ARHGAP26: variants seen among roughly 807,000 people sequenced by gnomAD.
The protein encoded by ARHGAP26 is Rho GTPase activating protein 26, also known as rho GTPase-activating protein 26.
Under a neutral mutation model 104.8 loss-of-function variants are expected in ARHGAP26, and 38 were observed. The ratio of observed to expected loss-of-function variants is 0.36; its 90% CI spans 0.28 to 0.48. The LOEUF is 0.48. ARHGAP26 is among the 20% of genes least tolerant of loss of function. ARHGAP26 has a pLI of 0.99. For missense variants in ARHGAP26, 704 were observed against 947.9 expected (o/e 0.74, Z 3.38); for synonymous variants, 341 against 340.0 (o/e 1.00, Z -0.03).
At chr5:142,848,851 T>A (rs937001767) in intron 1 of ARHGAP26, among the ~76,000 whole-genome samples, 8 of 152,330 alleles carry the variant, frequency 5.3e-5, no homozygotes, top group Admixed American at 2.6e-4. Flanking sequence ...GGCATCCGAT[T>A]TATGGGCCAG....
intron 11 of ARHGAP26, among the ~76,000 whole-genome samples, chr5:142,946,337 C>T (rs1339827139): frequency 3.9e-5 from 6 of 152,118 alleles, no homozygotes; most frequent in Non-Finnish European, 7.4e-5. Context: ...CTAGACATTC[C>T]GAGCTGTGAC....
chr5:142,981,531 T>C (rs1773942696), intron 11 of ARHGAP26, among the ~76,000 whole-genome samples: 1 of 152,250 alleles, frequency 6.6e-6, no homozygotes, highest in Non-Finnish European at 1.5e-5. Context: ...CCTAAATCTG[T>C]AAAGTCTGCT....
chr5:142,774,633 A>G (rs1453926896), intron 1 of ARHGAP26, among the ~76,000 whole-genome samples: 2 of 152,312 alleles, frequency 1.3e-5, no homozygotes, highest in African/African-American at 4.8e-5. Flanking sequence ...TTTGTGTTGT[A>G]CATTCTGTGG....
In ARHGAP26 at chr5:143,226,893, A is replaced by G. The variant is rs1811721666; in HGVS notation, c.*4447A>G. ...TCCCAAGGCACTTGCCCAGAGCTGCAGAGTTGTGTGTGCCATACCTGCGGC... is the reference window on the plus strand; with the variant it reads ...TCCCAAGGCACTTGCCCAGAGCTGCGGAGTTGTGTGTGCCATACCTGCGGC... On this transcript the variant is annotated 3_prime_UTR_variant, in exon 23 of 23. Transcript: ENST00000645722. The G allele has an allele frequency of 4.4e-6, 1 of 226,214 alleles. No individual in the cohort carries two copies. Among genetic ancestry groups the G allele is most frequent in the African/African-American group, 2.2e-5 (1 of 44,936 alleles). The allele number at this position is 226,214 out of a possible 1,614,324, so 14.0% of individuals were successfully genotyped here.
At chr5:142,976,808 G>C (rs1434139585) in intron 11 of ARHGAP26, among the ~76,000 whole-genome samples, 1 of 152,176 alleles carries the variant, frequency 6.6e-6, no homozygotes, top group African/African-American at 2.4e-5. Flanking sequence ...TTTAGATTTT[G>C]AACCTGCTGG....
chr5:142,847,316 G>T (rs1301457167), intron 1 of ARHGAP26, among the ~76,000 whole-genome samples: 1 of 151,844 alleles, frequency 6.6e-6, no homozygotes, highest in Non-Finnish European at 1.5e-5. Context: ...TGGGGAAGCT[G>T]CCTCAGCTTA....
intron 10 of ARHGAP26, among the ~76,000 whole-genome samples, chr5:142,919,642 CTTTCT>C (rs1285071143): frequency 3.9e-5 from 6 of 152,146 alleles, no homozygotes; most frequent in South Asian, 2.1e-4. Context: ...TACCTTCTTC[CTTTCT>C]TTTCTTTTAT....
At chr5:142,807,940 G>C (rs1022501030) in intron 1 of ARHGAP26, among the ~76,000 whole-genome samples, 1 of 152,090 alleles carries the variant, frequency 6.6e-6, no homozygotes, top group African/African-American at 2.4e-5. Context: ...TTATTTTTAA[G>C]AATGTTGTAT....
intron 11 of ARHGAP26, among the ~76,000 whole-genome samples, chr5:142,987,496 C>A (rs1774935472): frequency 6.6e-6 from 1 of 151,824 alleles, no homozygotes; most frequent in Non-Finnish European, 1.5e-5. Context: ...TTTCTTTCTC[C>A]TGCCTGATTG....
intron 1 of ARHGAP26, among the ~76,000 whole-genome samples, chr5:142,800,944 G>C (rs1227085378): frequency 4.6e-5 from 7 of 152,140 alleles, no homozygotes; most frequent in Non-Finnish European, 4.4e-5. Flanking sequence ...CCTCCACATT[G>C]TATGACTCCT....
At chr5:142,776,626 G>T (rs1416695947) in intron 1 of ARHGAP26, among the ~76,000 whole-genome samples, 4 of 152,116 alleles carry the variant, frequency 2.6e-5, no homozygotes, top group Admixed American at 1.3e-4. Context: ...ACCATAAGTT[G>T]TTTATCCATT....
At chr5:142,957,727 C>G (rs553103257) in intron 11 of ARHGAP26, among the ~76,000 whole-genome samples, 1 of 152,360 alleles carries the variant, frequency 6.6e-6, no homozygotes, top group African/African-American at 2.4e-5. Context: ...TGCTCCTGCA[C>G]TCTCTGCCAT....
At chr5:142,883,552 CTG>C (rs1757298311) in intron 4 of ARHGAP26, among the ~76,000 whole-genome samples, 1 of 152,250 alleles carries the variant, frequency 6.6e-6, no homozygotes, top group Admixed American at 6.5e-5. Flanking sequence ...TCTGCCCACT[CTG>C]TGAGCATGTA....
chr5:143,134,033 A>C lies in ARHGAP26; in HGVS notation c.1765A>C (p.Ser589Arg). The C allele has an allele frequency of 6.2e-7, 1 of 1,613,190 alleles. No individual in the cohort carries two copies. Among genetic ancestry groups the C allele is most frequent in the South Asian group, 1.1e-5 (1 of 90,890 alleles). The change falls in exon 19 of 23, where the codon AGT becomes CGT. Residue 589 changes from serine to arginine, a missense_variant. Transcript: ENST00000645722. Reference sequence around the variant, plus strand: ...GCTGCACCTGTCTCGGAAGAAGAGCAGTGACTCCAAGCCCCCGTCCTGCAG... The same window carrying C: ...GCTGCACCTGTCTCGGAAGAAGAGCCGTGACTCCAAGCCCCCGTCCTGCAG... ...AQLHLSRKKS[S>R]DSKPPSCSER...
chr5:143,015,492 C>T (rs1779466341), intron 12 of ARHGAP26, among the ~76,000 whole-genome samples: 1 of 152,174 alleles, frequency 6.6e-6, no homozygotes, highest in Non-Finnish European at 1.5e-5. Context: ...ATTGAGATTT[C>T]CAGGCAACAA....
intron 18 of ARHGAP26, among the ~76,000 whole-genome samples, chr5:143,123,522 C>T (rs1796376698): frequency 6.6e-6 from 1 of 152,184 alleles, no homozygotes; most frequent in South Asian, 2.1e-4. Context: ...AATTTTATGT[C>T]CTCAGAAGGA....
chr5:143,220,450 C>T (rs1026114987), intron 22 of ARHGAP26, among the ~76,000 whole-genome samples: 4 of 152,190 alleles, frequency 2.6e-5, no homozygotes, highest in African/African-American at 9.7e-5. Context: ...TTCATATTTG[C>T]AAGAACCCAG....
intron 13 of ARHGAP26, among the ~76,000 whole-genome samples, chr5:143,041,238 C>A (rs755714010): frequency 1.3e-5 from 2 of 152,098 alleles, no homozygotes; most frequent in Non-Finnish European, 2.9e-5. Context: ...TAAAAGTAAA[C>A]CCTTACTAGT....
At chr5:142,977,989 TG>T (rs933412826) in intron 11 of ARHGAP26, among the ~76,000 whole-genome samples, 3 of 152,228 alleles carry the variant, frequency 2.0e-5, no homozygotes, top group Admixed American at 2.0e-4. Context: ...TGCAAAGCCA[TG>T]GGAAAAGGAC....
Sources: allele counts gnomAD v4.1 joint callset (sites outside exome capture counted in the v4.1 genomes callset), GRCh38; gene constraint gnomAD v4.1.1; transcripts MANE v1.5; gene names NCBI Gene and HGNC (gene_info 2026-07-23, HGNC 2026-07-21).